Variants in FRMD6 observed in about 807,000 individuals in gnomAD.
FRMD6 encodes the protein FERM domain-containing protein 6.
FRMD6 carries 37 observed loss-of-function variants against 73.2 expected under a neutral mutation model. The ratio of observed to expected loss-of-function variants is 0.51; its 90% CI spans 0.39 to 0.66. The LOEUF (loss-of-function observed/expected upper bound fraction) is 0.66, where lower values mean the gene tolerates loss of function less well. Ranked by LOEUF, FRMD6 falls within the 30% of genes least tolerant of loss-of-function variation. The pLI, the probability that FRMD6 is intolerant of heterozygous loss-of-function variation, is 0.00. For missense variants in FRMD6, 714 were observed against 780.5 expected (o/e 0.91, Z 1.02); for synonymous variants, 273 against 282.2 (o/e 0.97, Z 0.33).
intron 1 of FRMD6, among the ~76,000 whole-genome samples, chr14:51,567,269 G>A (rs1887829640): frequency 6.6e-6 from 1 of 152,212 alleles, no homozygotes; most frequent in South Asian, 2.1e-4. Context: ...ACGAGTGAAG[G>A]TCAAATTAAA....
intron 1 of FRMD6, among the ~76,000 whole-genome samples, chr14:51,565,593 C>G (rs1950908): frequency 0.82 from 124,971 of 152,094 alleles, 51,652 homozygotes; most frequent in African/African-American, 0.91. Context: ...CTGGTGGTGG[C>G]GGTGGTAGTT....
intron 1 of FRMD6, among the ~76,000 whole-genome samples, chr14:51,674,288 G>A (rs1250291186): frequency 6.6e-6 from 1 of 152,126 alleles, no homozygotes. Context: ...CACTCCTCTC[G>A]ATGAGTGCTT....
the FRMD6 span, among the ~76,000 whole-genome samples, chr14:51,450,825 G>T: frequency 6.6e-6 from 1 of 152,182 alleles, no homozygotes; most frequent in Non-Finnish European, 1.5e-5. Context: ...GTTGAGGTCT[G>T]TTTTATGCCA....
At chr14:51,447,202 A>T in the FRMD6 span, among the ~76,000 whole-genome samples, 3 of 152,124 alleles carry the variant, frequency 2.0e-5, no homozygotes, top group Non-Finnish European at 4.4e-5. Context: ...AGCAACAGCA[A>T]GGCCACTCTG....
At position 51,712,268 on chromosome 14, in the gene FRMD6, C is replaced by T. The variant is rs74052693; in HGVS notation, c.781-215C>T. 6.7e-3 allele frequency among the ~76,000 whole-genome samples: 1,017 copies of T among 152,236 alleles called. 11 individuals carry two copies. Among genetic ancestry groups the T allele is most frequent in the African/African-American group, 0.023 (966 of 41,518 alleles). On this transcript the variant is annotated intron_variant, in intron 8 of 13. Coordinates refer to ENST00000344768, the MANE Select transcript of FRMD6 (RefSeq NM_001267046.2). ...CATACACCAGAAGGGAAAAGATTGC[C>T]TTAAAAGGGTTAGTTAATACAGTCA...
At chr14:51,583,030 T>C (rs1888817600) in intron 2 of FRMD6, among the ~76,000 whole-genome samples, 2 of 152,226 alleles carry the variant, frequency 1.3e-5, no homozygotes, top group Admixed American at 1.3e-4. Context: ...GGCACTCATA[T>C]GCGTTTTCAA....
chr14:51,703,903 C>A (rs1030303441), intron 5 of FRMD6, among the ~76,000 whole-genome samples: 8 of 152,060 alleles, frequency 5.3e-5, no homozygotes, highest in Admixed American at 5.2e-4. Context: ...TATGTACACA[C>A]ACATTTTTAC....
chr14:51,694,117 T>C lies in FRMD6; in HGVS notation c.100-4025T>C, dbSNP rs1895785598. Among the ~76,000 whole-genome samples, 6 of 152,162 alleles carry C rather than the reference T, an allele frequency of 3.9e-5. No homozygotes were observed. In the South Asian group the frequency reaches 1.2e-3, roughly 32 times the overall value. On this transcript the variant is annotated intron_variant, in intron 2 of 13. Transcript: ENST00000344768. ...GTTGCCTTTTTGCATATGGAATAAA[T>C]TTAGTGTTTTGGTCATTCTGAATTC...
intron 1 of FRMD6, among the ~76,000 whole-genome samples, chr14:51,565,644 T>G (rs1264591459): frequency 1.3e-5 from 2 of 152,054 alleles, no homozygotes; most frequent in Non-Finnish European, 2.9e-5. Flanking sequence ...CACCAAGAGC[T>G]AGACAATGCC....
the FRMD6 span, among the ~76,000 whole-genome samples, chr14:51,446,319 A>G: frequency 0.87 from 133,080 of 152,118 alleles, 58,430 homozygotes; most frequent in African/African-American, 0.91. Context: ...TTTACCCTAT[A>G]AATACTGAGA....
At chr14:51,592,201 G>T (rs910247785) in intron 2 of FRMD6, among the ~76,000 whole-genome samples, 1 of 152,156 alleles carries the variant, frequency 6.6e-6, no homozygotes, top group Non-Finnish European at 1.5e-5. Context: ...TTACAAAAAA[G>T]CTTGGTTTAA....
intron 1 of FRMD6, chr14:51,554,865 T>C (rs1290009516): frequency 1.3e-5 from 2 of 152,180 alleles, no homozygotes; most frequent in East Asian, 3.8e-4. Context: ...CTGCATCAAT[T>C]TTGTTTCTTT....
At chr14:51,649,689 C>G (rs1412676423), upstream of FRMD6, 1 of 152,172 alleles carries the variant, frequency 6.6e-6, no homozygotes, top group Non-Finnish European at 1.5e-5. Context: ...AATCCTCTAC[C>G]TTTAAATGCC....
At chr14:51,495,114 C>T (rs1462152690) in intron 1 of FRMD6, among the ~76,000 whole-genome samples, 1 of 152,182 alleles carries the variant, frequency 6.6e-6, no homozygotes, top group Non-Finnish European at 1.5e-5. Context: ...TCCAATTTCA[C>T]TGCTCACAAG....
At chr14:51,532,085 G>A (rs1402342737) in intron 1 of FRMD6, among the ~76,000 whole-genome samples, 1 of 152,048 alleles carries the variant, frequency 6.6e-6, no homozygotes, top group East Asian at 1.9e-4. Flanking sequence ...AGAAATTATT[G>A]GGGCCAGGCG....
chr14:51,469,653 GAT>G, the FRMD6 span, among the ~76,000 whole-genome samples: 1 of 147,622 alleles, frequency 6.8e-6, no homozygotes, highest in Non-Finnish European at 1.5e-5. Flanking sequence ...ACTTTGCCAT[GAT>G]ATGTTATTTT....
chr14:51,454,889 A>G, the FRMD6 span: 1 of 152,240 alleles, frequency 6.6e-6, no homozygotes, highest in Non-Finnish European at 1.5e-5. Context: ...AGAGGATCTA[A>G]TGGCACAGGA....
At chr14:51,504,406 C>T (rs551127413) in intron 1 of FRMD6, among the ~76,000 whole-genome samples, 8 of 152,292 alleles carry the variant, frequency 5.3e-5, no homozygotes, top group Admixed American at 3.3e-4. Flanking sequence ...TCAGGAGAAA[C>T]GGGGTCAGGC....
rs770868284 is a variant in FRMD6, at chr14:51,729,146, C to G, written c.*1117C>G. 2.0e-5 allele frequency: 3 copies of G among 152,122 alleles called. No individual in the cohort carries two copies. The highest frequency in any genetic ancestry group is 2.9e-5 in the Non-Finnish European group (2 of 68,018). 9.4% of individuals were successfully genotyped at this position (152,122 alleles called of 1,614,324 possible). On this transcript the variant is annotated 3_prime_UTR_variant, in exon 14 of 14. Coordinates refer to ENST00000344768, the MANE Select transcript of FRMD6 (RefSeq NM_001267046.2). ...ATGATTCTCAACACTGATTGTATAACAGAATTTTGGGGGGAGCTTTTAAAA... is the reference window on the plus strand; with the variant it reads ...ATGATTCTCAACACTGATTGTATAAGAGAATTTTGGGGGGAGCTTTTAAAA...
Sources: allele counts gnomAD v4.1 joint callset (sites outside exome capture counted in the v4.1 genomes callset), GRCh38; gene constraint gnomAD v4.1.1; transcripts MANE v1.5; gene names NCBI Gene and HGNC (gene_info 2026-07-23, HGNC 2026-07-21).